Variants in AGAP1 observed in about 807,000 individuals in gnomAD.
The protein encoded by AGAP1 is ArfGAP with GTPase domain, ankyrin repeat and PH domain 1.
AGAP1 carries 29 observed loss-of-function variants against 105.3 expected under a neutral mutation model. The ratio of observed to expected loss-of-function variants is 0.28; its 90% confidence interval spans 0.21 to 0.38. AGAP1 has a LOEUF of 0.38. Ranked by LOEUF, AGAP1 falls within the 10% of genes least tolerant of loss-of-function variation. AGAP1 has a pLI of 1.00. For synonymous variants in AGAP1, 509 were observed against 485.9 expected (o/e 1.05, Z -0.63); for missense variants, 998 against 1,165.1 (o/e 0.86, Z 2.09).
In AGAP1 at chr2:235,558,132, G is replaced by A. The variant is rs141789784; in HGVS notation, c.163+63283G>A. Among the ~76,000 whole-genome samples the A allele has an allele frequency of 4.2e-3, 635 of 152,294 alleles. 7 individuals are homozygous for A. Among genetic ancestry groups the A allele is most frequent in the African/African-American group, 0.015 (615 of 41,556 alleles). ...CCCTGTGTGGAAGGGGCCTTTCTGTGTGCCTGGCCCCGCAGGGTATGCAGT... is the reference window on the plus strand; with the variant it reads ...CCCTGTGTGGAAGGGGCCTTTCTGTATGCCTGGCCCCGCAGGGTATGCAGT... On this transcript the variant is annotated intron_variant, in intron 1 of 17. Coordinates refer to ENST00000304032, the MANE Select transcript of AGAP1 (RefSeq NM_001037131.3).
At position 236,119,651 on chromosome 2, in the gene AGAP1, T is replaced by C. The variant is rs556044545; in HGVS notation, c.2115-541T>C. Among the ~76,000 whole-genome samples, 1 of 145,878 alleles carries C rather than the reference T, an allele frequency of 6.9e-6. No individual in the cohort carries two copies. Among genetic ancestry groups the C allele is most frequent in the South Asian group, 2.2e-4 (1 of 4,448 alleles). ...AGTCCTGCTTACAGTAAAGCAACTC[T>C]CGGCCCCAGAGACCATGCTTCCATC... On this transcript the variant is annotated intron_variant, in intron 16 of 17. Coordinates refer to ENST00000304032, the MANE Select transcript of AGAP1 (RefSeq NM_001037131.3). The surrounding 1 kb of genome is among the most constrained non-coding windows in gnomAD (Gnocchi z 6.6).
chr2:235,805,515 T>C (rs185160897), intron 8 of AGAP1, among the ~76,000 whole-genome samples: 1 of 152,276 alleles, frequency 6.6e-6, no homozygotes, highest in East Asian at 1.9e-4. Context: ...ATTTGTAAAA[T>C]TCCCAAAGTA....
rs576559358 is a variant in AGAP1 at position 235,776,828 on chromosome 2, C to A, written c.674-20931C>A. The stretch of plus-strand genomic sequence containing the variant: ...GAAAACCTGCCCGTCCCTCAGGCAT[C>A]GGCACCAACTCGGAGCCCCTTTTCC... On this transcript the variant is annotated intron_variant, in intron 6 of 17. Transcript: ENST00000304032. 186 of 459,862 alleles carry A rather than the reference C, an allele frequency of 4.0e-4. 1 individual carries two copies. Among genetic ancestry groups the A allele is most frequent in the South Asian group, 1.1e-3 (68 of 62,858 alleles). The allele number at this position is 459,862 out of a possible 1,614,324, so 28.5% of individuals were successfully genotyped here.
chr2:235,680,252 G>A (rs1385396774), intron 1 of AGAP1, among the ~76,000 whole-genome samples: 2 of 152,340 alleles, frequency 1.3e-5, no homozygotes, highest in South Asian at 2.1e-4. Context: ...GTGGAAATGA[G>A]CTAAAATATT....
intron 1 of AGAP1, among the ~76,000 whole-genome samples, chr2:235,682,650 C>A (rs1338641274): frequency 6.6e-6 from 1 of 151,966 alleles, no homozygotes; most frequent in African/African-American, 2.4e-5. Flanking sequence ...TGGCACAGAA[C>A]CCTGATTTTG....
At chr2:235,512,403 C>T (rs991904502) in intron 1 of AGAP1, among the ~76,000 whole-genome samples, 6 of 152,060 alleles carry the variant, frequency 3.9e-5, no homozygotes, top group African/African-American at 1.4e-4. Context: ...TCAAGACCAG[C>T]CTGGGTAACA....
rs886606396 is a variant in AGAP1, at chr2:235,961,967, G to A, written c.1484-6495G>A. Among the ~76,000 whole-genome samples, 1 of 152,062 alleles carries A rather than the reference G, an allele frequency of 6.6e-6. No individual in the cohort carries two copies. Among genetic ancestry groups the A allele is most frequent in the African/African-American group, 2.4e-5 (1 of 41,346 alleles). ...CCATTTCCCAGGGGAGGGGCCCCGCGCCCATGGAGACTGCTGGGGACAGGC... is the reference window on the plus strand; with the variant it reads ...CCATTTCCCAGGGGAGGGGCCCCGCACCCATGGAGACTGCTGGGGACAGGC... On this transcript the variant is annotated intron_variant, in intron 12 of 17. Transcript: ENST00000304032. The surrounding 1 kb of genome is among the most constrained non-coding windows in gnomAD (Gnocchi z 5.9).
At chr2:235,636,246 G>A (rs1431237376) in intron 1 of AGAP1, among the ~76,000 whole-genome samples, 1 of 152,116 alleles carries the variant, frequency 6.6e-6, no homozygotes, top group Non-Finnish European at 1.5e-5. Context: ...TTTCTTCAGC[G>A]AGTGCAGGGC....
rs2059939069 is a variant in AGAP1, at chr2:236,123,090, G to A, written c.2371-829G>A. Among the ~76,000 whole-genome samples, 1 of 150,938 alleles carries A rather than the reference G, an allele frequency of 6.6e-6. No individual in the cohort carries two copies. Among genetic ancestry groups the A allele is most frequent in the African/African-American group, 2.4e-5 (1 of 40,992 alleles). On this transcript the variant is annotated intron_variant, in intron 17 of 17. Coordinates refer to ENST00000304032, the MANE Select transcript of AGAP1 (RefSeq NM_001037131.3). This position sits in a 1 kb window ranked among gnomAD's most constrained non-coding sequence, Gnocchi z 4.6. ...CATATGTCATGCTTTTTGAGGGGTG[G>A]GGAGACAGGGTCTCACTCTGTTGCC...
chr2:235,863,907 T>C (rs1268781348), intron 9 of AGAP1, among the ~76,000 whole-genome samples: 1 of 152,128 alleles, frequency 6.6e-6, no homozygotes, highest in Non-Finnish European at 1.5e-5. Flanking sequence ...AAAGAGAAAC[T>C]AGAGGGAACA....
Position 235,494,513 on chromosome 2 carries a change from G to A in AGAP1, c.-174G>A, listed in dbSNP as rs1305918636. ...CGTCCCGGCCATGAACTGAGCCCGC[G>A]GGCCAGCCCCGCGCCTGCTCCGCCC... On this transcript the variant is annotated 5_prime_UTR_variant, in exon 1 of 18. Coordinates refer to ENST00000304032, the MANE Select transcript of AGAP1 (RefSeq NM_001037131.3). The A allele has an allele frequency of 2.8e-5, 4 of 144,050 alleles. No individual in the cohort carries two copies. The highest frequency in any genetic ancestry group is 6.1e-5 in the Non-Finnish European group (4 of 65,798). 8.9% of individuals were successfully genotyped at this position (144,050 alleles called of 1,614,324 possible). A position where few individuals can be genotyped will look rare whatever the true frequency, so the allele number is the denominator to read the frequency against.
intron 9 of AGAP1, chr2:235,852,693 C>T (rs1203753330): frequency 6.7e-7 from 1 of 1,495,058 alleles, no homozygotes; most frequent in South Asian, 1.3e-5. Flanking sequence ...CAGGGCCTGC[C>T]CTTCTTTGTC....
Position 235,872,542 on chromosome 2 carries a change from A to G in AGAP1, c.1051-10803A>G, listed in dbSNP as rs1195125743. ...CTCTCTTCCTGAGCATCTCAGGCAG[A>G]GCCTTCCGGCCTCTGTCATCTTCTG... On this transcript the variant is annotated intron_variant, in intron 9 of 17. Coordinates refer to ENST00000304032, the MANE Select transcript of AGAP1 (RefSeq NM_001037131.3). The surrounding 1 kb of genome is among the most constrained non-coding windows in gnomAD (Gnocchi z 4.5). 6.6e-6 allele frequency among the ~76,000 whole-genome samples: 1 copy of G among 152,196 alleles called. No individual in the cohort carries two copies. The highest frequency in any genetic ancestry group is 2.4e-5 in the African/African-American group (1 of 41,440).
rs146647118 is a variant in AGAP1 at position 235,552,844 on chromosome 2, C to T, written c.163+57995C>T. On this transcript the variant is annotated intron_variant, in intron 1 of 17. Transcript: ENST00000304032. The surrounding 1 kb of genome is among the most constrained non-coding windows in gnomAD (Gnocchi z 5.9). ...TGGGCCCCATCTCTCTCTGCTGAGCCGGGTTCTGACTCTGCAGAGCATTGG... is the reference window on the plus strand; with the variant it reads ...TGGGCCCCATCTCTCTCTGCTGAGCTGGGTTCTGACTCTGCAGAGCATTGG... 3.9e-5 allele frequency among the ~76,000 whole-genome samples: 6 copies of T among 152,286 alleles called. No homozygotes were observed. Among genetic ancestry groups the T allele is most frequent in the East Asian group, 3.9e-4 (2 of 5,160 alleles).
chr2:235,769,851 C>T lies in AGAP1; in HGVS notation c.673+19363C>T, dbSNP rs1955278767. Among the ~76,000 whole-genome samples, 3 of 152,230 alleles carry T rather than the reference C, an allele frequency of 2.0e-5. No individual in the cohort carries two copies. Among genetic ancestry groups the T allele is most frequent in the Admixed American group, 6.5e-5 (1 of 15,288 alleles). ...TGGCACAGGGGAGGGAGGACATGGC[C>T]CTCGGCTGCCAAGGAGCATCCAGTC... On this transcript the variant is annotated intron_variant, in intron 6 of 17. Coordinates refer to ENST00000304032, the MANE Select transcript of AGAP1 (RefSeq NM_001037131.3). The surrounding 1 kb of genome is among the most constrained non-coding windows in gnomAD (Gnocchi z 4.4).
intron 1 of AGAP1, among the ~76,000 whole-genome samples, chr2:235,638,872 C>G (rs918493301): frequency 1.3e-5 from 2 of 152,172 alleles, no homozygotes; most frequent in Admixed American, 1.3e-4. Flanking sequence ...ATTATTTGTC[C>G]TGTGCATGTC....
intron 1 of AGAP1, among the ~76,000 whole-genome samples, chr2:235,579,038 T>A (rs769793434): frequency 2.0e-5 from 3 of 152,176 alleles, no homozygotes; most frequent in Non-Finnish European, 4.4e-5. Context: ...AGGTACCCAG[T>A]TGAATCATCT....
chr2:235,513,043 G>A (rs1942217098), intron 1 of AGAP1, among the ~76,000 whole-genome samples: 1 of 152,126 alleles, frequency 6.6e-6, no homozygotes, highest in African/African-American at 2.4e-5. Flanking sequence ...TGGCAGTTCT[G>A]GTCATTTTTG....
rs75082551 is a variant in AGAP1 at position 235,720,671 on chromosome 2, C to T, written c.310+3027C>T. The T allele has an allele frequency of 2.5e-4, 250 of 985,354 alleles. 1 individual carries two copies. The highest frequency in any genetic ancestry group is 2.5e-3 in the African/African-American group (142 of 57,350). 61.0% of individuals were successfully genotyped at this position (985,354 alleles called of 1,614,324 possible). A position where few individuals can be genotyped will look rare whatever the true frequency, so the allele number is the denominator to read the frequency against. ...CAGATAGTTCCTTGGATTCTCCCTG[C>T]GCTTCTTAATGTCTGTGCCCTGTTC... is the stretch of plus-strand genomic sequence containing the variant. On this transcript the variant is annotated intron_variant, in intron 3 of 17. Transcript: ENST00000304032. The surrounding 1 kb of genome is among the most constrained non-coding windows in gnomAD (Gnocchi z 5.0).
Sources: allele counts gnomAD v4.1 joint callset (sites outside exome capture counted in the v4.1 genomes callset), GRCh38; gene constraint gnomAD v4.1.1; non-coding constraint Gnocchi (gnomAD v3.1); transcripts MANE v1.5; gene names NCBI Gene and HGNC (gene_info 2026-07-23, HGNC 2026-07-21).